CHLSN: variants seen among roughly 807,000 people sequenced by gnomAD.
CHLSN encodes cholesin, also known as protein cholesin.
At chr7:1,044,360 A>T in the CHLSN span, among the ~76,000 whole-genome samples, 1 of 152,238 alleles carries the variant, frequency 6.6e-6, no homozygotes, top group East Asian at 1.9e-4. Context: ...AGTTCGTCAA[A>T]TGGCTGGTCT....
the CHLSN span, chr7:988,785 C>T: frequency 9.4e-6 from 15 of 1,595,578 alleles, no homozygotes; most frequent in Admixed American, 3.4e-5. Flanking sequence ...ACCATGAGGC[C>T]GAGGGCCCAG....
the CHLSN span, chr7:1,087,041 T>C: frequency 6.6e-6 from 1 of 152,196 alleles, no homozygotes; most frequent in Non-Finnish European, 1.5e-5. Context: ...GGGGCGGCCA[T>C]CGGTTCCCGA....
chr7:1,030,766 ACT>A, the CHLSN span, among the ~76,000 whole-genome samples: 1 of 139,666 alleles, frequency 7.2e-6, no homozygotes, highest in South Asian at 2.3e-4. Context: ...GCACGCGGGG[ACT>A]CTCTCTCTCT....
At chr7:1,085,819 C>A in the CHLSN span, among the ~76,000 whole-genome samples, 8 of 148,814 alleles carry the variant, frequency 5.4e-5, no homozygotes, top group Non-Finnish European at 8.9e-5. Flanking sequence ...GGCAACAGAG[C>A]AAAATCCTGT....
chr7:1,109,464 A>G, the CHLSN span: 1 of 152,216 alleles, frequency 6.6e-6, no homozygotes, highest in African/African-American at 2.4e-5. Flanking sequence ...CGTGGTTCCT[A>G]AAAGCATATA....
the CHLSN span, among the ~76,000 whole-genome samples, chr7:1,115,952 A>G: frequency 1.0e-5 from 1 of 95,606 alleles, no homozygotes. Context: ...CCATCACCAA[A>G]GCCCACGCAG....
At chr7:1,073,686 C>T in the CHLSN span, among the ~76,000 whole-genome samples, 1 of 142,212 alleles carries the variant, frequency 7.0e-6, no homozygotes. Context: ...GTGACGCCCC[C>T]CACGACCCCG....
chr7:983,818 G>A, the CHLSN span, among the ~76,000 whole-genome samples: 1 of 152,208 alleles, frequency 6.6e-6, no homozygotes, highest in Non-Finnish European at 1.5e-5. Flanking sequence ...CTGTGAAATG[G>A]GAAGAGGACC....
chr7:986,613 C>T, the CHLSN span: 1 of 1,612,498 alleles, frequency 6.2e-7, no homozygotes, highest in South Asian at 1.1e-5. Flanking sequence ...CTCCTCCTGC[C>T]TCCTGCCCAG....
the CHLSN span, among the ~76,000 whole-genome samples, chr7:1,106,424 G>T: frequency 1.3e-5 from 2 of 152,200 alleles, no homozygotes; most frequent in Admixed American, 1.3e-4. Flanking sequence ...GCCAAGAGAG[G>T]CCAGGACAGC....
At chr7:999,508 G>A in the CHLSN span, among the ~76,000 whole-genome samples, 2 of 152,192 alleles carry the variant, frequency 1.3e-5, no homozygotes, top group South Asian at 2.1e-4. Context: ...CCAGGAGGTC[G>A]AGGCTGCAGT....
At chr7:1,087,497 T>G in the CHLSN span, among the ~76,000 whole-genome samples, 567 of 152,370 alleles carry the variant, frequency 3.7e-3, 11 homozygotes, top group Non-Finnish European at 6.6e-4. Flanking sequence ...CTTTTAACAA[T>G]TTCATGCATA....
At chr7:1,122,746 A>C in the CHLSN span, among the ~76,000 whole-genome samples, 1 of 152,188 alleles carries the variant, frequency 6.6e-6, no homozygotes, top group Non-Finnish European at 1.5e-5. Flanking sequence ...CAGAACTCCT[A>C]AACCCCAGCT....
the CHLSN span, among the ~76,000 whole-genome samples, chr7:1,062,728 G>T: frequency 3.3e-5 from 5 of 152,108 alleles, no homozygotes; most frequent in Non-Finnish European, 7.4e-5. Flanking sequence ...GAGAGCACAC[G>T]TTCCTGCCTC....
At chr7:1,105,079 A>G in the CHLSN span, among the ~76,000 whole-genome samples, 4 of 152,252 alleles carry the variant, frequency 2.6e-5, no homozygotes, top group African/African-American at 9.6e-5. Context: ...TATGTATCGC[A>G]ATTTTATAAA....
the CHLSN span, among the ~76,000 whole-genome samples, chr7:1,136,359 CATAT>C: frequency 1.1e-3 from 32 of 29,288 alleles, no homozygotes; most frequent in African/African-American, 2.4e-3. Context: ...TATATATAAA[CATAT>C]ATATAAATAT....
chr7:1,011,352 C>T, the CHLSN span, among the ~76,000 whole-genome samples: 17 of 149,076 alleles, frequency 1.1e-4, no homozygotes, highest in African/African-American at 2.5e-4. Flanking sequence ...CCACACACAC[C>T]GACACCCACA....
At chr7:1,084,361 G>A in the CHLSN span, among the ~76,000 whole-genome samples, 12 of 152,348 alleles carry the variant, frequency 7.9e-5, no homozygotes, top group Admixed American at 5.2e-4. Flanking sequence ...GAATGTGTCC[G>A]CCTGGCATGT....
chr7:996,279 C>T, the CHLSN span, among the ~76,000 whole-genome samples: 1 of 152,228 alleles, frequency 6.6e-6, no homozygotes, highest in Non-Finnish European at 1.5e-5. Flanking sequence ...TCCCGCCTCC[C>T]GGCTTGCATG....
Sources: gnomAD v4.1 joint callset for allele counts (sites outside exome capture counted in the v4.1 genomes callset) on GRCh38, gnomAD v4.1.1 for gene constraint, MANE v1.5 for transcripts, NCBI Gene and HGNC (gene_info 2026-07-23, HGNC 2026-07-21) for gene names.